Variants in INIP observed in about 807,000 individuals in gnomAD.
The protein encoded by INIP is SOSS complex subunit C.
INIP carries 9 observed loss-of-function variants against 14.0 expected under a neutral mutation model. That is an observed-to-expected ratio of 0.64 (90% CI 0.39 to 1.12). The LOEUF is 1.12. Among genes scored for constraint, INIP ranks in the 50% most tolerant of loss-of-function variants. The probability of loss-of-function intolerance (pLI) is 0.01; values close to 1 mark genes in which losing one functional copy is unlikely to be tolerated. For missense variants in INIP, 78 were observed against 122.7 expected (o/e 0.64, Z 1.72); for synonymous variants, 37 against 41.5 (o/e 0.89, Z 0.41).
At chr9:112,715,756 A>G (rs955120634) in intron 2 of INIP, among the ~76,000 whole-genome samples, 1 of 151,880 alleles carries the variant, frequency 6.6e-6, no homozygotes, top group Non-Finnish European at 1.5e-5. Flanking sequence ...CTGGGCAACA[A>G]GAGCGAAATT....
intron 3 of INIP, among the ~76,000 whole-genome samples, chr9:112,691,615 T>G (rs1837886354): frequency 1.3e-5 from 2 of 152,210 alleles, no homozygotes; most frequent in African/African-American, 4.8e-5. Flanking sequence ...CTGTCAGCAT[T>G]CAAGGGACAA....
chr9:112,694,619 TCAATCTTTGGGAGGG>T (rs1385492947), intron 2 of INIP, among the ~76,000 whole-genome samples: 1 of 152,168 alleles, frequency 6.6e-6, no homozygotes, highest in African/African-American at 2.4e-5. Flanking sequence ...TCCTGCCGAG[TCAATCTTTGGGAGGG>T]CAGATGTTCT....
At chr9:112,706,495 C>G (rs181854169) in intron 2 of INIP, among the ~76,000 whole-genome samples, 22 of 152,132 alleles carry the variant, frequency 1.4e-4, no homozygotes, top group African/African-American at 5.1e-4. Context: ...TTCAAGCAAT[C>G]CTCCTGCCTC....
At chr9:112,698,977 C>G (rs1588079400) in intron 2 of INIP, among the ~76,000 whole-genome samples, 1 of 152,038 alleles carries the variant, frequency 6.6e-6, no homozygotes, top group South Asian at 2.1e-4. Flanking sequence ...TGTCTTAATA[C>G]CTGAGACATC....
At chr9:112,710,247 T>G (rs899973871) in intron 2 of INIP, among the ~76,000 whole-genome samples, 1 of 152,212 alleles carries the variant, frequency 6.6e-6, no homozygotes, top group Admixed American at 6.5e-5. Flanking sequence ...TGAGAGCACC[T>G]GGACTGGCCC....
intron 2 of INIP, among the ~76,000 whole-genome samples, chr9:112,701,149 A>G (rs1838285709): frequency 6.6e-6 from 1 of 152,134 alleles, no homozygotes; most frequent in Non-Finnish European, 1.5e-5. Flanking sequence ...CTCTACTAAA[A>G]CACAAAAAAT....
At chr9:112,707,530 A>G (rs1379929661) in intron 2 of INIP, among the ~76,000 whole-genome samples, 7 of 150,852 alleles carry the variant, frequency 4.6e-5, no homozygotes. Context: ...CCTCCCGCAC[A>G]TTTCTTTGTC....
At chr9:112,709,120 C>T (rs764005039) in intron 2 of INIP, among the ~76,000 whole-genome samples, 6 of 151,922 alleles carry the variant, frequency 3.9e-5, no homozygotes. Context: ...TTTTTCTACC[C>T]ATTGAGGTTT....
intron 4 of INIP, 34 bp from the exon 5 acceptor site, chr9:112,687,667 C>CTATT (rs764041408): frequency 3.0e-5 from 38 of 1,276,288 alleles, no homozygotes; most frequent in Non-Finnish European, 4.1e-5. Context: ...GGCAATTAAG[C>CTATT]TATTAAATAG....
intron 2 of INIP, among the ~76,000 whole-genome samples, chr9:112,700,488 G>T (rs1838251209): frequency 6.8e-6 from 1 of 148,124 alleles, no homozygotes; most frequent in Non-Finnish European, 1.5e-5. Context: ...TTTTATCAGG[G>T]CCATCTCCAA....
chr9:112,697,439 C>T (rs192990846), intron 2 of INIP, among the ~76,000 whole-genome samples: 1 of 152,184 alleles, frequency 6.6e-6, no homozygotes, highest in Admixed American at 6.5e-5. Flanking sequence ...TTGAAATTAC[C>T]CAGGCTTGGT....
At chr9:112,693,027 T>TAAAAA (rs1837949027) in intron 3 of INIP, among the ~76,000 whole-genome samples, 1 of 86,186 alleles carries the variant, frequency 1.2e-5, no homozygotes, top group Non-Finnish European at 2.2e-5. Flanking sequence ...AGACCCTGTC[T>TAAAAA]CAAAAAAAAA....
intron 4 of INIP, among the ~76,000 whole-genome samples, chr9:112,688,085 C>CAAAT (rs3033103): frequency 0.42 from 61,540 of 145,458 alleles, 14,192 homozygotes; most frequent in Non-Finnish European, 0.52. Flanking sequence ...GACTCCATCT[C>CAAAT]AAATAAATAA....
At chr9:112,692,503 C>T (rs541713202) in intron 3 of INIP, among the ~76,000 whole-genome samples, 48 of 152,098 alleles carry the variant, frequency 3.2e-4, no homozygotes, top group African/African-American at 1.1e-3. Context: ...AGGCTGCTCT[C>T]GAGCTACTGG....
intron 2 of INIP, among the ~76,000 whole-genome samples, chr9:112,696,684 A>G (rs1354409754): frequency 6.6e-6 from 1 of 152,236 alleles, no homozygotes; most frequent in Non-Finnish European, 1.5e-5. Context: ...GACTGGCTGT[A>G]AACCGGGGGC....
intron 1 of INIP, among the ~76,000 whole-genome samples, chr9:112,716,962 CA>C (rs553313367): frequency 0.015 from 1,179 of 78,002 alleles, 6 homozygotes; most frequent in Middle Eastern, 0.051. Context: ...GACTCGGTCT[CA>C]AAAAAAAAAA....
chr9:112,689,501 G>A, intron 4 of INIP, 26 bp downstream of exon 4: 1 of 1,589,978 alleles, frequency 6.3e-7, no homozygotes, highest in Admixed American at 1.7e-5. Context: ...CTCCACCGAG[G>A]CAAGAATGTC....
At chr9:112,705,538 T>A (rs1460673205) in intron 2 of INIP, among the ~76,000 whole-genome samples, 1 of 152,168 alleles carries the variant, frequency 6.6e-6, no homozygotes, top group Non-Finnish European at 1.5e-5. Context: ...CTCAAACTCC[T>A]GGGCTCAAGT....
In INIP at chr9:112,689,639, C is replaced by CTCA. The variant is rs779223879; in HGVS notation, c.129-25_129-23dup. ...AATGCTAAAATGGGAATCTTGGTTA[C>CTCA]TCAGCTGCTTAAGGCAGAAACATCC... On this transcript the variant is annotated intron_variant, in intron 3 of 4. Coordinates refer to ENST00000374242, the MANE Select transcript of INIP (RefSeq NM_021218.3). 4.4e-6 allele frequency: 7 copies of CTCA among 1,584,546 alleles called. No individual in the cohort carries two copies. The Admixed American group carries it at 1.2e-4, about 26-fold the overall frequency.
Sources: gnomAD v4.1 joint callset for allele counts (sites outside exome capture counted in the v4.1 genomes callset) on GRCh38, gnomAD v4.1.1 for gene constraint, MANE v1.5 for transcripts, NCBI Gene and HGNC (gene_info 2026-07-23, HGNC 2026-07-21) for gene names.